The following MAGI2 variants were observed in gnomAD, a reference collection of about 807,000 sequenced individuals.
MAGI2 encodes membrane associated guanylate kinase, WW and PDZ domain containing 2.
Under a neutral mutation model 133.3 loss-of-function variants are expected in MAGI2, and 35 were observed. That is an observed-to-expected ratio of 0.26 (90% CI 0.20 to 0.35). The LOEUF (loss-of-function observed/expected upper bound fraction) is 0.35. MAGI2 is among the 10% of genes least tolerant of loss of function. MAGI2 has a pLI of 1.00. For missense variants in MAGI2, 1,636 were observed against 1,863.4 expected (o/e 0.88, Z 2.25); for synonymous variants, 729 against 710.6 (o/e 1.03, Z -0.41).
intron 9 of MAGI2, among the ~76,000 whole-genome samples, chr7:78,337,103 T>C (rs184735935): frequency 1.3e-5 from 2 of 152,354 alleles, no homozygotes; most frequent in Admixed American, 6.5e-5. Flanking sequence ...TAACTATCTA[T>C]CAGACTCTGT....
intron 2 of MAGI2, among the ~76,000 whole-genome samples, chr7:78,968,905 TAGAA>T (rs1803546813): frequency 6.6e-6 from 1 of 152,142 alleles, no homozygotes; most frequent in Non-Finnish European, 1.5e-5. Flanking sequence ...ATTTTGCAGT[TAGAA>T]AGAGTAAAAG....
intron 1 of MAGI2, among the ~76,000 whole-genome samples, chr7:79,115,856 T>TTTTTG (rs1212382699): frequency 5.0e-4 from 4 of 8,078 alleles, no homozygotes; most frequent in African/African-American, 5.9e-4. Flanking sequence ...GTTTTAAAGT[T>TTTTTG]TTTTTTTTTT....
intron 21 of MAGI2, among the ~76,000 whole-genome samples, chr7:78,043,035 A>G (rs1811020278): frequency 6.6e-6 from 1 of 152,248 alleles, no homozygotes; most frequent in South Asian, 2.1e-4. Context: ...GTTCAAGTAC[A>G]CTGTCTGTTG....
intron 1 of MAGI2, among the ~76,000 whole-genome samples, chr7:79,025,689 G>A (rs540740698): frequency 6.6e-6 from 1 of 152,214 alleles, no homozygotes; most frequent in South Asian, 2.1e-4. Flanking sequence ...CTTGTCCTAG[G>A]TTGTTATCAC....
At chr7:79,004,566 GTGTAT>G (rs1807242760) in intron 2 of MAGI2, among the ~76,000 whole-genome samples, 1 of 152,128 alleles carries the variant, frequency 6.6e-6, no homozygotes, top group African/African-American at 2.4e-5. Context: ...GTAGACAACA[GTGTAT>G]TGTATATTTC....
chr7:78,420,999 A>T (rs1798741833), intron 6 of MAGI2, among the ~76,000 whole-genome samples: 1 of 152,200 alleles, frequency 6.6e-6, no homozygotes, highest in African/African-American at 2.4e-5. Context: ...CAAGTTGACA[A>T]ATTGGACATA....
chr7:79,183,938 A>G (rs771556612), intron 1 of MAGI2, among the ~76,000 whole-genome samples: 3 of 151,690 alleles, frequency 2.0e-5, no homozygotes, highest in Admixed American at 6.6e-5. Context: ...TTTAAAGTTG[A>G]CTTTATAGAA....
At chr7:78,353,128 C>A (rs1034109408) in intron 7 of MAGI2, among the ~76,000 whole-genome samples, 5 of 152,140 alleles carry the variant, frequency 3.3e-5, no homozygotes, top group Admixed American at 2.6e-4. Flanking sequence ...TATTTCTAAC[C>A]TTTTGCTTCT....
intron 9 of MAGI2, among the ~76,000 whole-genome samples, chr7:78,260,510 G>A (rs1793413701): frequency 6.6e-6 from 1 of 152,164 alleles, no homozygotes; most frequent in Non-Finnish European, 1.5e-5. Context: ...CAGAGCTACT[G>A]TGAAAATGAG....
intron 2 of MAGI2, among the ~76,000 whole-genome samples, chr7:78,631,080 C>A (rs2150964261): frequency 6.6e-6 from 1 of 152,278 alleles, no homozygotes; most frequent in Admixed American, 6.5e-5. Context: ...ATGGAAGCCA[C>A]ATTGTTTGAG....
chr7:78,090,436 A>G (rs80186520), intron 20 of MAGI2, among the ~76,000 whole-genome samples: 1 of 152,040 alleles, frequency 6.6e-6, no homozygotes, highest in Non-Finnish European at 1.5e-5. Flanking sequence ...GGCACAAATG[A>G]TTAATGGCAG....
chr7:78,912,547 C>T (rs1798477078), intron 2 of MAGI2, among the ~76,000 whole-genome samples: 1 of 151,888 alleles, frequency 6.6e-6, no homozygotes, highest in Non-Finnish European at 1.5e-5. Flanking sequence ...GAGAGATTGG[C>T]TTAGCCTTCC....
At chr7:79,227,388 C>A (rs2159709) in intron 1 of MAGI2, among the ~76,000 whole-genome samples, 96,560 of 152,074 alleles carry the variant, frequency 0.63, 31,397 homozygotes, top group Non-Finnish European at 0.7. Context: ...TGGTACAATA[C>A]AAATGCAAAC....
At chr7:79,282,686 G>C (rs975227059) in intron 1 of MAGI2, among the ~76,000 whole-genome samples, 1 of 152,082 alleles carries the variant, frequency 6.6e-6, no homozygotes, top group African/African-American at 2.4e-5. Context: ...TGAAAGAAAC[G>C]TTGGGCAAGG....
At chr7:78,636,268 T>C (rs1809624974) in intron 2 of MAGI2, among the ~76,000 whole-genome samples, 2 of 151,838 alleles carry the variant, frequency 1.3e-5, no homozygotes, top group South Asian at 2.1e-4. Flanking sequence ...AAAACTCTCT[T>C]CCCCTAAGAT....
At chr7:78,195,296 C>T (rs1028938322) in intron 11 of MAGI2, among the ~76,000 whole-genome samples, 1 of 152,206 alleles carries the variant, frequency 6.6e-6, no homozygotes, top group Non-Finnish European at 1.5e-5. Flanking sequence ...CTATAACTTA[C>T]ATAACCTTGT....
chr7:79,202,219 T>A (rs7803309), intron 1 of MAGI2, among the ~76,000 whole-genome samples: 25,416 of 151,734 alleles, frequency 0.17, 5,312 homozygotes, highest in African/African-American at 0.49. Context: ...GTTAAAAACC[T>A]GTTTGCTTCC....
intron 2 of MAGI2, among the ~76,000 whole-genome samples, chr7:78,735,712 TA>T (rs1223273394): frequency 6.6e-6 from 1 of 152,204 alleles, no homozygotes; most frequent in Non-Finnish European, 1.5e-5. Flanking sequence ...TATTTTCCTT[TA>T]AAATGTTTAA....
chr7:78,574,315 G>A (rs932642100), intron 3 of MAGI2, among the ~76,000 whole-genome samples: 1 of 152,172 alleles, frequency 6.6e-6, no homozygotes, highest in African/African-American at 2.4e-5. Flanking sequence ...GCTCCCATCA[G>A]TCAGATGTAT....
Sources: allele counts gnomAD v4.1 joint callset (sites outside exome capture counted in the v4.1 genomes callset), GRCh38; gene constraint gnomAD v4.1.1; transcripts MANE v1.5; gene names NCBI Gene and HGNC (gene_info 2026-07-23, HGNC 2026-07-21).